Variants in GRIK2 observed in about 807,000 individuals in gnomAD.
GRIK2 encodes glutamate ionotropic receptor kainate type subunit 2.
In GRIK2, 32 loss-of-function variants were observed where a neutral mutation model predicts 100.3. The ratio of observed to expected loss-of-function variants is 0.32; its 90% confidence interval spans 0.24 to 0.43. The LOEUF (loss-of-function observed/expected upper bound fraction) is 0.43. Among genes scored for constraint, GRIK2 ranks in the 20% least tolerant of loss-of-function variants. The pLI is 1.00. For missense variants in GRIK2, 843 were observed against 1,114.9 expected (o/e 0.76, Z 3.47); for synonymous variants, 417 against 389.4 (o/e 1.07, Z -0.83).
chr6:101,694,224 A>G lies in GRIK2; in HGVS notation c.951+7871A>G, dbSNP rs138687258. Among the ~76,000 whole-genome samples the G allele has an allele frequency of 1.1e-4, 17 of 152,244 alleles. No homozygotes were observed. The East Asian group carries it at 3.3e-3, about 29-fold the overall frequency. On this transcript the variant is annotated intron_variant, in intron 7 of 16. Coordinates refer to ENST00000369134, the MANE Select transcript of GRIK2 (RefSeq NM_021956.5). ...GGTTATTGAGGTAACAAGGCATTGA[A>G]CTTGAGAAAGCAAGTACAGGGCACA...
intron 4 of GRIK2, among the ~76,000 whole-genome samples, chr6:101,664,206 T>C (rs1387726921): frequency 2.0e-5 from 3 of 152,170 alleles, no homozygotes; most frequent in African/African-American, 7.2e-5. Context: ...TTCACTAAAC[T>C]GTCCAACTTT....
At chr6:101,929,570 A>G (rs1582556841) in intron 14 of GRIK2, among the ~76,000 whole-genome samples, 1 of 152,312 alleles carries the variant, frequency 6.6e-6, no homozygotes, top group South Asian at 2.1e-4. Flanking sequence ...TACACGACAC[A>G]TTGAGTATTC....
chr6:101,519,300 C>CGTGTGT (rs55646921), intron 2 of GRIK2, among the ~76,000 whole-genome samples: 1,416 of 141,036 alleles, frequency 0.01, 16 homozygotes, highest in Middle Eastern at 0.029. Context: ...CGGAGTTAAA[C>CGTGTGT]GTGTGTGTGT....
intron 14 of GRIK2, among the ~76,000 whole-genome samples, chr6:101,986,657 A>T (rs1478960035): frequency 6.6e-6 from 1 of 151,822 alleles, no homozygotes; most frequent in Non-Finnish European, 1.5e-5. Flanking sequence ...TCCTTGCATG[A>T]ACTGACGGAA....
chr6:102,006,659 C>T (rs960081554), intron 14 of GRIK2, among the ~76,000 whole-genome samples: 1 of 151,778 alleles, frequency 6.6e-6, no homozygotes, highest in Admixed American at 6.6e-5. Context: ...TGAGTCATTG[C>T]GCCTGGTCCA....
intron 7 of GRIK2, among the ~76,000 whole-genome samples, chr6:101,746,375 G>T (rs376913443): frequency 2.6e-5 from 4 of 152,248 alleles, no homozygotes; most frequent in African/African-American, 7.2e-5. Context: ...TGCCCAGGCT[G>T]GAGTGCAGTG....
chr6:101,661,792 C>T (rs796638355), intron 4 of GRIK2, among the ~76,000 whole-genome samples: 37 of 152,202 alleles, frequency 2.4e-4, no homozygotes, highest in African/African-American at 8.2e-4. Flanking sequence ...GCTTGCCCTC[C>T]GTGGACTGCA....
chr6:101,940,479 A>AT (rs1790891227), intron 14 of GRIK2, among the ~76,000 whole-genome samples: 2 of 151,974 alleles, frequency 1.3e-5, no homozygotes, highest in East Asian at 3.9e-4. Context: ...TATTATTATT[A>AT]TTTTTTCTGC....
At chr6:101,480,924 C>T (rs1201910534) in intron 2 of GRIK2, among the ~76,000 whole-genome samples, 1 of 152,024 alleles carries the variant, frequency 6.6e-6, no homozygotes, top group East Asian at 1.9e-4. Flanking sequence ...ATAGAGTAAC[C>T]ATGTAAGTAA....
At chr6:101,830,478 A>C (rs1311666430) in intron 10 of GRIK2, among the ~76,000 whole-genome samples, 1 of 152,092 alleles carries the variant, frequency 6.6e-6, no homozygotes, top group Non-Finnish European at 1.5e-5. Context: ...TGCATCCAAC[A>C]AAAGATTAAT....
chr6:101,777,792 C>T (rs1778843853), intron 7 of GRIK2, among the ~76,000 whole-genome samples: 1 of 152,116 alleles, frequency 6.6e-6, no homozygotes. Context: ...ATTCGGATCT[C>T]AAAGGGGACC....
intron 2 of GRIK2, among the ~76,000 whole-genome samples, chr6:101,402,017 C>T (rs375377929): frequency 6.6e-6 from 1 of 152,120 alleles, no homozygotes; most frequent in Non-Finnish European, 1.5e-5. Context: ...CCCCAGCCCC[C>T]CTTCCCCGCT....
chr6:102,008,313 CAG>C, intron 14 of GRIK2, among the ~76,000 whole-genome samples: 1 of 152,066 alleles, frequency 6.6e-6, no homozygotes, highest in African/African-American at 2.4e-5. Flanking sequence ...GGCAACAGAA[CAG>C]AGAGGGTAAA....
intron 14 of GRIK2, among the ~76,000 whole-genome samples, chr6:101,934,735 T>C (rs929527224): frequency 4.6e-5 from 7 of 151,934 alleles, no homozygotes; most frequent in African/African-American, 1.4e-4. Flanking sequence ...GGTGGTAATA[T>C]AAGTATAATA....
Position 101,635,715 on chromosome 6 carries a change from G to T in GRIK2, c.541+9078G>T, listed in dbSNP as rs542794468. ...GGATATGAACAGACATTTCTCAAAA[G>T]AAGACATTTTTGTGGCCAACAAACA... On this transcript the variant is annotated intron_variant, in intron 4 of 16. Transcript: ENST00000369134. Among the ~76,000 whole-genome samples the T allele has an allele frequency of 2.5e-4, 38 of 152,218 alleles. No individual in the cohort carries two copies. The South Asian group carries it at 7.9e-3, about 32-fold the overall frequency.
chr6:101,923,547 A>G (rs1048813590), intron 12 of GRIK2, among the ~76,000 whole-genome samples: 2 of 152,210 alleles, frequency 1.3e-5, no homozygotes, highest in African/African-American at 4.8e-5. Context: ...ATCTTAAAAT[A>G]GTGGTTCAGA....
intron 9 of GRIK2, among the ~76,000 whole-genome samples, chr6:101,816,737 G>C (rs1781656157): frequency 6.6e-6 from 1 of 151,982 alleles, no homozygotes; most frequent in South Asian, 2.1e-4. Flanking sequence ...AAATTAAATA[G>C]TTTAAGCAGG....
intron 4 of GRIK2, among the ~76,000 whole-genome samples, chr6:101,668,139 A>G (rs1770167575): frequency 6.6e-6 from 1 of 152,174 alleles, no homozygotes; most frequent in African/African-American, 2.4e-5. Context: ...CTCCAATTCT[A>G]TTTTGTATAG....
chr6:101,977,897 C>T (rs184154169), intron 14 of GRIK2, among the ~76,000 whole-genome samples: 8 of 152,044 alleles, frequency 5.3e-5, no homozygotes, highest in South Asian at 4.1e-4. Context: ...GAGAAACTTT[C>T]CTGGAGGTGG....
Sources: gnomAD v4.1 joint callset for allele counts (sites outside exome capture counted in the v4.1 genomes callset) on GRCh38, gnomAD v4.1.1 for gene constraint, MANE v1.5 for transcripts, NCBI Gene and HGNC (gene_info 2026-07-23, HGNC 2026-07-21) for gene names.